PHAX: variants seen among roughly 807,000 people sequenced by gnomAD.
The protein encoded by PHAX is phosphorylated adaptor for RNA export.
Under a neutral mutation model 41.6 loss-of-function variants are expected in PHAX, and 31 were observed. The observed-to-expected ratio is 0.75, with a 90% CI of 0.56 to 1.01. The LOEUF is 1.01. Among genes scored for constraint, PHAX ranks in the 50% least tolerant of loss-of-function variants. The pLI is 0.00. For synonymous variants in PHAX, 175 were observed against 164.9 expected (o/e 1.06, Z -0.47); for missense variants, 453 against 472.9 (o/e 0.96, Z 0.39).
In PHAX at chr5:126,626,423, ATC is replaced by A. The variant is rs1752352654; in HGVS notation, c.*1582_*1583del. The A allele has an allele frequency of 6.6e-6, 1 of 151,920 alleles. No homozygotes were observed. Among genetic ancestry groups the A allele is most frequent in the Non-Finnish European group, 1.5e-5 (1 of 67,988 alleles). The allele number at this position is 151,920 out of a possible 1,614,324, so 9.4% of individuals were successfully genotyped here. A position where few individuals can be genotyped will look rare whatever the true frequency, so the allele number is the denominator to read the frequency against. ...AACCTGGTCTACATGGTGAAACCCC[ATC>A]TCAACTAAAAATACAAAAAATACAA... On this transcript the variant is annotated 3_prime_UTR_variant, in exon 5 of 5. Transcript: ENST00000297540.
chr5:126,608,151 T>G (rs1414420037), intron 2 of PHAX, among the ~76,000 whole-genome samples: 1 of 152,194 alleles, frequency 6.6e-6, no homozygotes, highest in Admixed American at 6.5e-5. Flanking sequence ...ATAAGCCAAT[T>G]ATGAGAGTTT....
chr5:126,616,222 A>C (rs1271770339), intron 3 of PHAX, among the ~76,000 whole-genome samples: 1 of 152,050 alleles, frequency 6.6e-6, no homozygotes, highest in Non-Finnish European at 1.5e-5. Flanking sequence ...CCTCCCAAGT[A>C]GCTGGGATTA....
chr5:126,617,108 C>A, intron 3 of PHAX, 142 bp from the exon 4 acceptor site: 1 of 458,214 alleles, frequency 2.2e-6, no homozygotes, highest in Non-Finnish European at 4.0e-6. Context: ...ACTCATGTTA[C>A]CTATTTTGTA....
intron 3 of PHAX, among the ~76,000 whole-genome samples, chr5:126,616,476 A>G (rs1249247958): frequency 6.6e-6 from 1 of 152,032 alleles, no homozygotes; most frequent in Non-Finnish European, 1.5e-5. Context: ...ACCCATATAT[A>G]TTTGGCTTTT....
At chr5:126,611,820 G>A (rs535405525) in intron 3 of PHAX, among the ~76,000 whole-genome samples, 73 of 151,892 alleles carry the variant, frequency 4.8e-4, no homozygotes, top group Admixed American at 1.9e-3. Context: ...TACATCCTAT[G>A]GGAAAAGAAA....
intron 1 of PHAX, among the ~76,000 whole-genome samples, chr5:126,601,968 C>T (rs1052879798): frequency 1.3e-5 from 2 of 151,200 alleles, no homozygotes; most frequent in Non-Finnish European, 3.0e-5. Context: ...CGCCCGGCCA[C>T]ATCCAGCTAA....
intron 3 of PHAX, among the ~76,000 whole-genome samples, chr5:126,616,157 G>A (rs1194720805): frequency 6.6e-6 from 1 of 150,482 alleles, no homozygotes; most frequent in East Asian, 2.0e-4. Context: ...CAATGGCACA[G>A]TCTCGGTTCA....
At chr5:126,616,910 G>A (rs1752195316) in intron 3 of PHAX, among the ~76,000 whole-genome samples, 1 of 150,746 alleles carries the variant, frequency 6.6e-6, no homozygotes, top group Non-Finnish European at 1.5e-5. Flanking sequence ...AATATTCACT[G>A]ACTTAGCCAG....
chr5:126,606,258 C>T (rs1581416537), intron 2 of PHAX, among the ~76,000 whole-genome samples: 2 of 151,462 alleles, frequency 1.3e-5, no homozygotes, highest in African/African-American at 4.9e-5. Flanking sequence ...TGCAGTGTCA[C>T]GATCTCAGCT....
At chr5:126,619,436 C>T (rs949285835) in intron 4 of PHAX, among the ~76,000 whole-genome samples, 6 of 151,980 alleles carry the variant, frequency 3.9e-5, no homozygotes, top group Non-Finnish European at 8.8e-5. Context: ...ATTAACCAGG[C>T]ATGGTGGCGG....
chr5:126,622,083 A>C (rs1217276404), intron 4 of PHAX, among the ~76,000 whole-genome samples: 1 of 151,540 alleles, frequency 6.6e-6, no homozygotes, highest in East Asian at 1.9e-4. Flanking sequence ...CCTCCCAAGT[A>C]GCTGGGATTA....
intron 3 of PHAX, among the ~76,000 whole-genome samples, chr5:126,616,896 AAAG>A: frequency 6.6e-6 from 1 of 152,002 alleles, no homozygotes; most frequent in Non-Finnish European, 1.5e-5. Flanking sequence ...AAAAAAAAAA[AAAG>A]AATATTCACT....
At chr5:126,607,388 CTTTTTTTTTT>C (rs58375322) in intron 2 of PHAX, among the ~76,000 whole-genome samples, 29 of 85,392 alleles carry the variant, frequency 3.4e-4, no homozygotes, top group Non-Finnish European at 4.0e-4. Flanking sequence ...GGTCTGAATT[CTTTTTTTTTT>C]TTTTTTTTTT....
chr5:126,611,350 G>A (rs764520352), intron 3 of PHAX, among the ~76,000 whole-genome samples: 16 of 151,804 alleles, frequency 1.1e-4, no homozygotes, highest in Non-Finnish European at 1.8e-4. Flanking sequence ...CACCACGCCC[G>A]GCCTCCAAAT....
chr5:126,611,516 C>G (rs1439049498), intron 3 of PHAX, among the ~76,000 whole-genome samples: 1 of 152,034 alleles, frequency 6.6e-6, no homozygotes, highest in Non-Finnish European at 1.5e-5. Context: ...GATACATTGA[C>G]CAGATGCACC....
In PHAX at chr5:126,608,440, A is replaced by G; in HGVS notation, c.787A>G (p.Met263Val). 1 of 1,613,922 alleles carries G rather than the reference A, an allele frequency of 6.2e-7. No homozygotes were observed. ...TAACAAAAAGGCAATTGAACTTCTG[A>G]TGGAAACCGCTGAAGTTGAACAAAA... is the stretch of plus-strand genomic sequence containing the variant. ...IGNKKAIELL[M>V]ETAEVEQNGG... is the part of the protein sequence containing the mutation. The change falls in exon 3 of 5, where the codon ATG becomes GTG. Residue 263 changes from methionine (M) to valine (V), a missense_variant. Transcript: ENST00000297540.
At chr5:126,602,552 G>T (rs1030098203) in intron 1 of PHAX, among the ~76,000 whole-genome samples, 1 of 152,226 alleles carries the variant, frequency 6.6e-6, no homozygotes, top group African/African-American at 2.4e-5. Flanking sequence ...CATTTCTAGC[G>T]TAGTAGGAGT....
intron 3 of PHAX, among the ~76,000 whole-genome samples, chr5:126,612,657 C>T (rs1368412116): frequency 1.3e-5 from 2 of 151,914 alleles, no homozygotes; most frequent in Non-Finnish European, 2.9e-5. Flanking sequence ...GCCGGGATTG[C>T]GCCATTGGAC....
rs1253544166 is a variant in PHAX at position 126,600,977 on chromosome 5, C to T, written c.15C>T (p.Val5=). 1.4e-5 allele frequency: 22 copies of T among 1,603,788 alleles called. No individual in the cohort carries two copies. Among genetic ancestry groups the T allele is most frequent in the Middle Eastern group, 1.7e-4 (1 of 6,020 alleles). MALE[V]GDMEDGQLSD... ...ACCGCGGGAAGATGGCGTTGGAGGT[C>T]GGCGATATGGAAGATGGGCAGCTTT... is the stretch of plus-strand genomic sequence containing the variant. Residue 5 remains valine, a synonymous_variant, in exon 1 of 5, where the codon GTC becomes GTT. Transcript: ENST00000297540.
Sources: gnomAD v4.1 joint callset for allele counts (sites outside exome capture counted in the v4.1 genomes callset) on GRCh38, gnomAD v4.1.1 for gene constraint, MANE v1.5 for transcripts, NCBI Gene and HGNC (gene_info 2026-07-23, HGNC 2026-07-21) for gene names.